The following CHSY3 variants were observed in gnomAD, a reference collection of about 807,000 sequenced individuals.
The protein encoded by CHSY3 is N-acetylgalactosaminyl-proteoglycan 3-beta-glucuronosyltransferase 3.
CHSY3 carries 35 observed loss-of-function variants against 67.2 expected under a neutral mutation model. That is an observed-to-expected ratio of 0.52 (90% CI 0.40 to 0.69). CHSY3 has a LOEUF of 0.69. Among genes scored for constraint, CHSY3 ranks in the 30% least tolerant of loss-of-function variants. The probability of loss-of-function intolerance (pLI) is 0.00; values close to 1 mark genes in which losing one functional copy is unlikely to be tolerated. For synonymous variants in CHSY3, 474 were observed against 434.7 expected, an observed-to-expected ratio of 1.09 and a Z score of -1.12; for missense variants, 1,069 against 1,138.5, an observed-to-expected ratio of 0.94 and a Z score of 0.88.
intron 2 of CHSY3, among the ~76,000 whole-genome samples, chr5:129,963,172 A>T (rs950606278): frequency 3.3e-5 from 5 of 151,754 alleles, no homozygotes; most frequent in Non-Finnish European, 7.4e-5. Flanking sequence ...TTGAAGAGAG[A>T]TGTGTACACT....
chr5:130,041,038 A>T (rs1764992676), intron 2 of CHSY3, among the ~76,000 whole-genome samples: 1 of 152,108 alleles, frequency 6.6e-6, no homozygotes. Flanking sequence ...TGCAGCTCAG[A>T]TCTGCACTTG....
chr5:130,129,389 AG>A (rs1204885204), intron 2 of CHSY3, among the ~76,000 whole-genome samples: 1 of 152,172 alleles, frequency 6.6e-6, no homozygotes. Context: ...CACATATGTA[AG>A]GTGCAAACTT....
intron 2 of CHSY3, among the ~76,000 whole-genome samples, chr5:130,022,169 G>A (rs1047745298): frequency 2.6e-5 from 4 of 152,130 alleles, no homozygotes; most frequent in African/African-American, 7.2e-5. Flanking sequence ...ATACCCAGGG[G>A]ATTAATGAAT....
At chr5:130,076,100 G>A (rs1766239905) in intron 2 of CHSY3, among the ~76,000 whole-genome samples, 1 of 151,992 alleles carries the variant, frequency 6.6e-6, no homozygotes, top group Non-Finnish European at 1.5e-5. Context: ...ACTCTCCACT[G>A]TGTCAATTTA....
rs557201829 is a variant in CHSY3 at position 130,170,163 on chromosome 5, A to G, written c.1087-14066A>G. Among the ~76,000 whole-genome samples the G allele has an allele frequency of 6.6e-5, 10 of 151,930 alleles. No individual in the cohort carries two copies. The South Asian group carries it at 1.9e-3, about 28-fold the overall frequency. On this transcript the variant is annotated intron_variant, in intron 2 of 2. Coordinates refer to ENST00000305031, the MANE Select transcript of CHSY3 (RefSeq NM_175856.5). The stretch of plus-strand genomic sequence containing the variant: ...CCTCCCCGATTTTGGAGTCCCTAGT[A>G]TCTATTATTTCCGTCTTTATATCCA...
chr5:130,185,161 G>A lies in CHSY3; in HGVS notation c.2019G>A (p.Leu673=). 6.2e-7 allele frequency: 1 copy of A among 1,608,230 alleles called. No individual in the cohort carries two copies. The highest frequency in any genetic ancestry group is 8.5e-7 in the Non-Finnish European group (1 of 1,174,742). Residue 673 remains leucine, a synonymous_variant, in exon 3 of 3, where the codon CTG becomes CTA. Coordinates refer to ENST00000305031, the MANE Select transcript of CHSY3 (RefSeq NM_175856.5). ...SGQDSSKHIE[L]IKGYQNKYPK... Reference sequence around the variant, plus strand: ...AAGACTCCAGCAAGCATATTGAGCTGATAAAAGGGTACCAGAACAAGTACC... The same window carrying A: ...AAGACTCCAGCAAGCATATTGAGCTAATAAAAGGGTACCAGAACAAGTACC...
intron 2 of CHSY3, among the ~76,000 whole-genome samples, chr5:130,143,826 A>ATATATATG (rs1768988642): frequency 1.6e-5 from 2 of 128,652 alleles, no homozygotes. Flanking sequence ...ATATATATAT[A>ATATATATG]TATATATATA....
intron 2 of CHSY3, among the ~76,000 whole-genome samples, chr5:130,091,965 T>A (rs1766894489): frequency 6.6e-6 from 1 of 151,960 alleles, no homozygotes; most frequent in Non-Finnish European, 1.5e-5. Flanking sequence ...TACTGGGGAG[T>A]CCACAGAGAG....
chr5:130,065,483 G>A (rs115647003), intron 2 of CHSY3, among the ~76,000 whole-genome samples: 1,699 of 152,038 alleles, frequency 0.011, 25 homozygotes, highest in African/African-American at 0.037. Flanking sequence ...GTTGCTTCTC[G>A]GAATTGTATG....
intron 2 of CHSY3, among the ~76,000 whole-genome samples, chr5:129,956,268 T>A (rs1212710072): frequency 2.6e-5 from 4 of 152,192 alleles, no homozygotes; most frequent in African/African-American, 9.6e-5. Context: ...TTTGATGGTA[T>A]CTCATTGTGG....
chr5:129,993,511 A>G (rs995686433), intron 2 of CHSY3, among the ~76,000 whole-genome samples: 7 of 152,000 alleles, frequency 4.6e-5, no homozygotes, highest in African/African-American at 1.7e-4. Context: ...AGTCTGTTTT[A>G]TCAGAGACTA....
At chr5:130,035,833 C>T (rs887434536) in intron 2 of CHSY3, among the ~76,000 whole-genome samples, 1 of 149,350 alleles carries the variant, frequency 6.7e-6, no homozygotes, top group Non-Finnish European at 1.5e-5. Context: ...AGGATACTGG[C>T]ATTCCCAGGG....
intron 2 of CHSY3, among the ~76,000 whole-genome samples, chr5:129,917,855 G>C (rs1216319434): frequency 2.0e-5 from 3 of 152,172 alleles, no homozygotes; most frequent in Non-Finnish European, 4.4e-5. Flanking sequence ...ATCTCTTACA[G>C]GTGAGGCCTG....
At chr5:129,974,190 C>G (rs1392188059) in intron 2 of CHSY3, among the ~76,000 whole-genome samples, 2 of 152,232 alleles carry the variant, frequency 1.3e-5, no homozygotes, top group East Asian at 1.9e-4. Context: ...TGCCTTTGAG[C>G]TGATAAGGCC....
At chr5:130,008,907 AAAATAAAG>A (rs1763965100) in intron 2 of CHSY3, among the ~76,000 whole-genome samples, 1 of 152,196 alleles carries the variant, frequency 6.6e-6, no homozygotes, top group African/African-American at 2.4e-5. Context: ...CAGTCAGACA[AAAATAAAG>A]AAAAAAGAAT....
intron 2 of CHSY3, among the ~76,000 whole-genome samples, chr5:130,000,184 A>C (rs1763678488): frequency 6.6e-6 from 1 of 152,208 alleles, no homozygotes; most frequent in Non-Finnish European, 1.5e-5. Context: ...TGTGCTTTTT[A>C]TGAAAGATAG....
intron 2 of CHSY3, among the ~76,000 whole-genome samples, chr5:130,168,247 A>C (rs1769804661): frequency 6.6e-6 from 1 of 152,124 alleles, no homozygotes; most frequent in African/African-American, 2.4e-5. Context: ...TCTCAGCAGC[A>C]CTTCATTTAT....
chr5:130,084,600 TTA>T (rs1766550845), intron 2 of CHSY3, among the ~76,000 whole-genome samples: 2 of 149,652 alleles, frequency 1.3e-5, no homozygotes, highest in East Asian at 1.9e-4. Context: ...AATTAATTAA[TTA>T]ATTTATTTAT....
chr5:130,122,018 G>A lies in CHSY3; in HGVS notation c.1087-62211G>A, dbSNP rs143988269. 2.1e-3 allele frequency among the ~76,000 whole-genome samples: 322 copies of A among 152,222 alleles called. 1 individual carries two copies. Among genetic ancestry groups the A allele is most frequent in the African/African-American group, 7.5e-3 (311 of 41,536 alleles). ...CTTACTTTGTGTAAAGGCCCTACCC[G>A]AGGCAATATGAGTGAGTACACTGAA... On this transcript the variant is annotated intron_variant, in intron 2 of 2. Transcript: ENST00000305031.
Sources: gnomAD v4.1 joint callset for allele counts (sites outside exome capture counted in the v4.1 genomes callset) on GRCh38, gnomAD v4.1.1 for gene constraint, MANE v1.5 for transcripts, NCBI Gene and HGNC (gene_info 2026-07-23, HGNC 2026-07-21) for gene names.